Variants in SARAF observed in about 807,000 individuals in gnomAD.
SARAF encodes the protein store-operated calcium entry-associated regulatory factor.
Under a neutral mutation model 39.7 loss-of-function variants are expected in SARAF, and 23 were observed. That is an observed-to-expected ratio of 0.58 (90% CI 0.42 to 0.82). The LOEUF is 0.82. Ranked by LOEUF, SARAF falls within the 40% of genes least tolerant of loss-of-function variation. The pLI is 0.00. For missense variants in SARAF, 384 were observed against 418.5 expected, an observed-to-expected ratio of 0.92 and a Z score of 0.72; for synonymous variants, 175 against 168.5, an observed-to-expected ratio of 1.04 and a Z score of -0.30.
intron 1 of SARAF, among the ~76,000 whole-genome samples, chr8:30,080,927 G>A (rs1301863039): frequency 6.6e-6 from 1 of 152,130 alleles, no homozygotes; most frequent in Non-Finnish European, 1.5e-5. Context: ...ATCACCTGAG[G>A]TTGGGAGTTC....
At chr8:30,065,653 T>TA (rs1801668143) in intron 5 of SARAF, 2 of 231,044 alleles carry the variant, frequency 8.7e-6, no homozygotes, top group African/African-American at 4.6e-5. Flanking sequence ...TTTTGAATGT[T>TA]ATTGAATTTT....
In SARAF at chr8:30,074,054, G is replaced by A; in HGVS notation, c.105C>T (p.Asp35=). 1.6e-5 allele frequency: 26 copies of A among 1,611,128 alleles called. No individual in the cohort carries two copies. Among genetic ancestry groups the A allele is most frequent in the Non-Finnish European group, 2.1e-5 (25 of 1,177,930 alleles). ...CTTTTACATCCCGCAGCAACATTCT[G>A]TCTGAAACAGCAAGAAAACAGAGGA... The part of the protein sequence containing the change: ...AGPALGWNDP[D]RMLLRDVKAL... The change falls in exon 2 of 6, where the codon GAC becomes GAT. Residue 35 remains aspartate, a splice_region_variant and synonymous_variant. Transcript: ENST00000256255.
At chr8:30,081,203 A>AT (rs1802090754) in intron 1 of SARAF, among the ~76,000 whole-genome samples, 1 of 152,196 alleles carries the variant, frequency 6.6e-6, no homozygotes. Context: ...ACATAAAACA[A>AT]TTGAGTTTAC....
At position 30,063,816 on chromosome 8, in the gene SARAF, C is replaced by CT; in HGVS notation, c.*71dup. The stretch of plus-strand genomic sequence containing the variant: ...TTTTCCCAATTGTTAACAGGTAGTA[C>CT]TTTTTTTCTAAAGAGAAAGTGATGA... On this transcript the variant is annotated 3_prime_UTR_variant, in exon 6 of 6. Transcript: ENST00000256255. 7.4e-7 allele frequency: 1 copy of CT among 1,347,616 alleles called. No individual in the cohort carries two copies. Among genetic ancestry groups the CT allele is most frequent in the Non-Finnish European group, 1.1e-6 (1 of 938,186 alleles). The allele number at this position is 1,347,616 out of a possible 1,614,324, so 83.5% of individuals were successfully genotyped here. A position where few individuals can be genotyped will look rare whatever the true frequency, so the allele number is the denominator to read the frequency against.
At position 30,071,572 on chromosome 8, in the gene SARAF, A is replaced by G. The variant is rs114906268; in HGVS notation, c.283-1513T>C. On this transcript the variant is annotated intron_variant, in intron 2 of 5. Coordinates refer to ENST00000256255, the MANE Select transcript of SARAF (RefSeq NM_016127.6). ...CTACTGTCACCACAATCAATTTTAG[A>G]ATATTTTCGTCACCCCAAAGAAATA... is the stretch of plus-strand genomic sequence containing the variant. Among the ~76,000 whole-genome samples the G allele has an allele frequency of 2.3e-3, 351 of 152,306 alleles. 3 individuals are homozygous for G. The highest frequency in any genetic ancestry group is 8.2e-3 in the African/African-American group (342 of 41,558).
At chr8:30,069,329 G>A (rs1001720199) in intron 3 of SARAF, among the ~76,000 whole-genome samples, 18 of 151,796 alleles carry the variant, frequency 1.2e-4, no homozygotes, top group Admixed American at 1.2e-3. Flanking sequence ...TAGTAAGAAC[G>A]GCGTTTTACC....
upstream of SARAF, chr8:30,083,141 A>C (rs1802153072): frequency 8.1e-6 from 4 of 496,884 alleles, no homozygotes; most frequent in Non-Finnish European, 1.4e-5. Flanking sequence ...CGTGGGGCTC[A>C]GTGAGTGGCC....
chr8:30,079,266 T>G (rs895128512), intron 1 of SARAF, among the ~76,000 whole-genome samples: 1 of 151,986 alleles, frequency 6.6e-6, no homozygotes, highest in Non-Finnish European at 1.5e-5. Context: ...AAGATACATT[T>G]GGGAATTCAG....
At chr8:30,078,315 G>A (rs1802021365) in intron 1 of SARAF, 1 of 427,880 alleles carries the variant, frequency 2.3e-6, no homozygotes, top group South Asian at 1.7e-5. Context: ...TTCAAGAAAA[G>A]TTCCCACACT....
chr8:30,079,497 A>C (rs1359314257), intron 1 of SARAF, among the ~76,000 whole-genome samples: 1 of 152,234 alleles, frequency 6.6e-6, no homozygotes, highest in African/African-American at 2.4e-5. Context: ...AAAATAAGAC[A>C]ATGAAAATGT....
chr8:30,075,964 G>A (rs562303865), intron 1 of SARAF, among the ~76,000 whole-genome samples: 10 of 99,498 alleles, frequency 1.0e-4, no homozygotes, highest in African/African-American at 3.4e-4. Context: ...TCAACCTGAT[G>A]TACATAACAG....
intron 1 of SARAF, 68 bp downstream of exon 1, chr8:30,082,779 G>T (rs1802138188): frequency 1.6e-6 from 2 of 1,273,386 alleles, no homozygotes; most frequent in Non-Finnish European, 2.1e-6. Flanking sequence ...AAACGCAGGG[G>T]AGCCTGCACC....
At chr8:30,083,080 T>G, upstream of SARAF, 3 of 614,268 alleles carry the variant, frequency 4.9e-6, no homozygotes, top group Non-Finnish European at 8.0e-6. Context: ...ACTGCAGAGC[T>G]GCAGCCGCAA....
intron 1 of SARAF, among the ~76,000 whole-genome samples, chr8:30,075,977 T>TC (rs1801949407): frequency 3.5e-5 from 1 of 28,596 alleles, no homozygotes; most frequent in East Asian, 1.2e-3. Flanking sequence ...CATAACAGAA[T>TC]CCCTAAAAAA....
intron 1 of SARAF, among the ~76,000 whole-genome samples, chr8:30,076,312 C>A (rs1801965603): frequency 6.6e-6 from 1 of 152,206 alleles, no homozygotes; most frequent in African/African-American, 2.4e-5. Flanking sequence ...CCACATGGTG[C>A]ACAAAATGCT....
At chr8:30,066,963 CA>C (rs777970903) in intron 3 of SARAF, 45 bp from the exon 4 acceptor site, 2 of 1,545,342 alleles carry the variant, frequency 1.3e-6, no homozygotes, top group Admixed American at 1.7e-5. Flanking sequence ...TTAAACATGA[CA>C]GTCTACAAAA....
chr8:30,068,988 CTTAA>C (rs1801760429), intron 3 of SARAF, among the ~76,000 whole-genome samples: 1 of 152,068 alleles, frequency 6.6e-6, no homozygotes. Flanking sequence ...ATTCTGGAAA[CTTAA>C]TTGTTTTACC....
chr8:30,076,092 C>T (rs572299714), intron 1 of SARAF, among the ~76,000 whole-genome samples: 11 of 151,882 alleles, frequency 7.2e-5, no homozygotes, highest in Non-Finnish European at 1.3e-4. Flanking sequence ...AGCCATATTC[C>T]CAGATCCTCT....
At chr8:30,080,427 A>G (rs950180798) in intron 1 of SARAF, among the ~76,000 whole-genome samples, 1 of 152,154 alleles carries the variant, frequency 6.6e-6, no homozygotes, top group Non-Finnish European at 1.5e-5. Flanking sequence ...TCCCTGACCA[A>G]TGTACGTTTT....
Sources: gnomAD v4.1 joint callset for allele counts (sites outside exome capture counted in the v4.1 genomes callset) on GRCh38, gnomAD v4.1.1 for gene constraint, MANE v1.5 for transcripts, NCBI Gene and HGNC (gene_info 2026-07-23, HGNC 2026-07-21) for gene names.